Variants in FHDC1 observed in about 807,000 individuals in gnomAD.
The protein encoded by FHDC1 is FH2 domain containing 1, also known as FH2 domain-containing protein 1.
In FHDC1, 25 loss-of-function variants were observed where a neutral mutation model predicts 52.6. The ratio of observed to expected loss-of-function variants is 0.48; its 90% CI spans 0.35 to 0.66. FHDC1 has a LOEUF of 0.66. FHDC1 is among the 30% of genes least tolerant of loss of function. The probability of loss-of-function intolerance (pLI) is 0.01; values close to 1 mark genes in which losing one functional copy is unlikely to be tolerated. For missense variants in FHDC1, 1,459 were observed against 1,452.8 expected (o/e 1.00, Z -0.07); for synonymous variants, 616 against 581.5 (o/e 1.06, Z -0.85).
At chr4:152,923,082 A>G in the FHDC1 span, among the ~76,000 whole-genome samples, 1 of 152,198 alleles carries the variant, frequency 6.6e-6, no homozygotes, top group East Asian at 1.9e-4. Flanking sequence ...CTGTTTGCAG[A>G]TGACATGATT....
chr4:152,916,661 T>A, the FHDC1 span, among the ~76,000 whole-genome samples: 2 of 152,054 alleles, frequency 1.3e-5, no homozygotes, highest in Non-Finnish European at 2.9e-5. Context: ...ATCAGAGGCT[T>A]TTTTTTGTAT....
chr4:152,943,853 G>A (rs1561202837), intron 2 of FHDC1, among the ~76,000 whole-genome samples: 1 of 149,580 alleles, frequency 6.7e-6, no homozygotes, highest in Non-Finnish European at 1.5e-5. Flanking sequence ...AGGTTCCCCT[G>A]TTGGAGAATT....
chr4:152,969,494 C>T (rs10008050), intron 10 of FHDC1, among the ~76,000 whole-genome samples: 117,744 of 152,022 alleles, frequency 0.77, 46,055 homozygotes, highest in Non-Finnish European at 0.83. Context: ...CACATCAAGA[C>T]TAAAATTCTG....
chr4:152,961,851 C>T (rs891091811), intron 6 of FHDC1, among the ~76,000 whole-genome samples: 3 of 152,102 alleles, frequency 2.0e-5, no homozygotes, highest in African/African-American at 7.2e-5. Flanking sequence ...TTTCCATACA[C>T]ACTATTGCAG....
chr4:152,929,307 TGGC>T, the FHDC1 span, among the ~76,000 whole-genome samples: 1 of 152,204 alleles, frequency 6.6e-6, no homozygotes, highest in Non-Finnish European at 1.5e-5. The surrounding 1 kb of genome is among the most constrained non-coding windows in gnomAD (Gnocchi z 4.1). Context: ...TACCTTGGTC[TGGC>T]TTAGTGAAAC....
Position 152,976,984 on chromosome 4 carries a change from C to G in FHDC1, c.*261C>G, listed in dbSNP as rs1451065173. On this transcript the variant is annotated 3_prime_UTR_variant, in exon 12 of 12. Transcript: ENST00000511601. The stretch of plus-strand genomic sequence containing the variant: ...CACCTCCCCCATGCACCCCACCCTC[C>G]CCCAAAGCCCGGATCCCGAGAAAGA... 1.8e-5 allele frequency: 6 copies of G among 333,306 alleles called. No homozygotes were observed. Among genetic ancestry groups the G allele is most frequent in the South Asian group, 2.8e-4 (2 of 7,084 alleles). The allele number at this position is 333,306 out of a possible 1,614,324, so 20.6% of individuals were successfully genotyped here.
At chr4:152,938,744 G>A (rs371118197) in intron 1 of FHDC1, among the ~76,000 whole-genome samples, 129 of 152,306 alleles carry the variant, frequency 8.5e-4, no homozygotes, top group East Asian at 4.8e-3. Context: ...TTTCTGGCAG[G>A]TTTTCCTTGA....
In FHDC1 at chr4:152,972,416, CAA is replaced by C; in HGVS notation, c.1259_1260del (p.Gln420ArgfsTer5). ...GCTGAGGGAACTGGAATGCTGGAAA[CAA>C]GAGCTCCAGGATGAGGCCTACACCC... ...EKLRELECWK[Q>X]ELQDEAYTLI... On this transcript the variant is annotated frameshift_variant, in exon 11 of 12. Coordinates refer to ENST00000511601, the MANE Select transcript of FHDC1 (RefSeq NM_001371116.1). LOFTEE classifies it high-confidence loss of function. 12 of 1,605,800 alleles carry C rather than the reference CAA, an allele frequency of 7.5e-6. No individual in the cohort carries two copies. Among genetic ancestry groups the C allele is most frequent in the East Asian group, 4.5e-5 (2 of 44,794 alleles).
At chr4:152,955,143 G>A (rs1366953711) in intron 4 of FHDC1, among the ~76,000 whole-genome samples, 2 of 151,922 alleles carry the variant, frequency 1.3e-5, no homozygotes, top group East Asian at 1.9e-4. Context: ...GAATAAAGAT[G>A]CTCTAAAATT....
At position 152,972,417 on chromosome 4, in the gene FHDC1, A is replaced by G. The variant is rs1740665750; in HGVS notation, c.1259A>G (p.Gln420Arg). The G allele has an allele frequency of 1.2e-6, 2 of 1,606,346 alleles. No homozygotes were observed. Residue 420 changes from glutamine to arginine, a missense_variant, in exon 11 of 12, where the codon CAA (glutamine) becomes CGA (arginine). Physicochemically the swap from Gln to Arg is conservative, Grantham distance 43 (BLOSUM62 1). This residue lies in a region of FHDC1 where 513 missense variants were observed against 581.5 expected (regional missense o/e 0.88). Coordinates refer to ENST00000511601, the MANE Select transcript of FHDC1 (RefSeq NM_001371116.1). Reference protein sequence around the residue: ...EKLRELECWKQELQDEAYTLI... With the variant: ...EKLRELECWKRELQDEAYTLI... ...CTGAGGGAACTGGAATGCTGGAAACAAGAGCTCCAGGATGAGGCCTACACC... is the reference window on the plus strand; with the variant it reads ...CTGAGGGAACTGGAATGCTGGAAACGAGAGCTCCAGGATGAGGCCTACACC...
chr4:152,937,101 T>C (rs2149932275), intron 1 of FHDC1, among the ~76,000 whole-genome samples: 1 of 152,268 alleles, frequency 6.6e-6, no homozygotes, highest in South Asian at 2.1e-4. Context: ...TGTCCCCAGC[T>C]CTTGGAGAGC....
Position 152,968,741 on chromosome 4 carries a change from G to T in FHDC1, c.1218+644G>T, listed in dbSNP as rs150789443. 2.0e-5 allele frequency among the ~76,000 whole-genome samples: 3 copies of T among 152,312 alleles called. No individual in the cohort carries two copies. The East Asian group carries it at 5.8e-4, about 29-fold the overall frequency. Reference sequence around the variant, plus strand: ...GTGAACTGGTATCAGCCATGGAGTTGCACTTGGGCTATACCTGGCAACTCA... The same window carrying T: ...GTGAACTGGTATCAGCCATGGAGTTTCACTTGGGCTATACCTGGCAACTCA... On this transcript the variant is annotated intron_variant, in intron 10 of 11. Transcript: ENST00000511601.
intron 6 of FHDC1, among the ~76,000 whole-genome samples, chr4:152,961,271 C>G (rs1280612028): frequency 6.6e-6 from 1 of 152,084 alleles, no homozygotes; most frequent in African/African-American, 2.4e-5. Context: ...CCAGCCTTTC[C>G]AGAAGCAGAC....
At chr4:152,944,654 C>T (rs934913337) in intron 2 of FHDC1, among the ~76,000 whole-genome samples, 1 of 152,162 alleles carries the variant, frequency 6.6e-6, no homozygotes, top group Non-Finnish European at 1.5e-5. Context: ...ATTGTGTGAT[C>T]TCCTGTTGAA....
At chr4:152,921,100 C>T in the FHDC1 span, among the ~76,000 whole-genome samples, 1 of 151,926 alleles carries the variant, frequency 6.6e-6, no homozygotes, top group South Asian at 2.1e-4. Flanking sequence ...TTCCTTTTAA[C>T]CTTTCTTGCT....
At chr4:152,922,412 G>A in the FHDC1 span, among the ~76,000 whole-genome samples, 2 of 152,116 alleles carry the variant, frequency 1.3e-5, no homozygotes, top group African/African-American at 2.4e-5. Context: ...ATTCACAGCC[G>A]AATTCTATCA....
chr4:152,935,578 T>G (rs531579327), upstream of FHDC1, among the ~76,000 whole-genome samples: 1 of 152,194 alleles, frequency 6.6e-6, no homozygotes, highest in Admixed American at 6.5e-5. Flanking sequence ...CTTTTTACGC[T>G]TTAATACAAC....
intron 3 of FHDC1, among the ~76,000 whole-genome samples, chr4:152,953,832 C>T (rs561483230): frequency 3.3e-5 from 5 of 152,216 alleles, no homozygotes; most frequent in Admixed American, 2.0e-4. Flanking sequence ...TAGTGTTGCC[C>T]CTTCAGTGGA....
In FHDC1 at chr4:152,976,424, C is replaced by G. The variant is rs1740887289; in HGVS notation, c.3133C>G (p.Arg1045Gly). Residue 1045 changes from arginine (R) to glycine (G), a missense_variant, in exon 12 of 12, where the codon CGA (arginine) becomes GGA (glycine). By Grantham distance (125) the Arg-to-Gly change is moderately radical. This residue lies in a region of FHDC1 where 939 missense variants were observed against 854.5 expected (regional missense o/e 1.10). Transcript: ENST00000511601. The part of the protein sequence containing the change: ...FARNTVASSS[R>G]SMRTDLPPVA... Reference sequence around the variant, plus strand: ...CCGGAACACAGTGGCCTCCTCCTCTCGAAGCATGAGAACAGATCTTCCTCC... The same window carrying G: ...CCGGAACACAGTGGCCTCCTCCTCTGGAAGCATGAGAACAGATCTTCCTCC... The G allele has an allele frequency of 3.7e-6, 6 of 1,613,738 alleles. No individual in the cohort carries two copies. Among genetic ancestry groups the G allele is most frequent in the Non-Finnish European group, 3.4e-6 (4 of 1,180,028 alleles).
Sources: gnomAD v4.1 joint callset for allele counts (sites outside exome capture counted in the v4.1 genomes callset) on GRCh38, gnomAD v4.1.1 for gene constraint, gnomAD v4.1.1 regional missense constraint, Gnocchi (gnomAD v3.1) non-coding constraint, MANE v1.5 for transcripts, NCBI Gene and HGNC (gene_info 2026-07-23, HGNC 2026-07-21) for gene names.